The following NKAIN2 variants were observed in gnomAD, a reference collection of about 807,000 sequenced individuals.
The protein encoded by NKAIN2 is sodium/potassium transporting ATPase interacting 2.
Under a neutral mutation model 32.6 loss-of-function variants are expected in NKAIN2, and 14 were observed. The observed-to-expected ratio is 0.43, with a 90% CI of 0.28 to 0.67. The LOEUF (loss-of-function observed/expected upper bound fraction) is 0.67. NKAIN2 is among the 30% of genes least tolerant of loss of function. NKAIN2 has a pLI of 0.17. For missense variants in NKAIN2, 198 were observed against 258.3 expected (o/e 0.77, Z 1.60); for synonymous variants, 80 against 87.2 (o/e 0.92, Z 0.46).
At chr6:123,896,159 G>A (rs940286493) in intron 1 of NKAIN2, among the ~76,000 whole-genome samples, 1 of 152,202 alleles carries the variant, frequency 6.6e-6, no homozygotes, top group African/African-American at 2.4e-5. Flanking sequence ...GAGAAGTAAA[G>A]AGATGAAATG....
chr6:124,147,372 T>A (rs1390246151), intron 1 of NKAIN2, among the ~76,000 whole-genome samples: 1 of 152,056 alleles, frequency 6.6e-6, no homozygotes. Context: ...TTAAGGATCA[T>A]TTCTAGAGAA....
At chr6:124,241,806 AT>A (rs140506419) in intron 1 of NKAIN2, among the ~76,000 whole-genome samples, 2,349 of 152,050 alleles carry the variant, frequency 0.015, 59 homozygotes, top group African/African-American at 0.05. Context: ...TATTTAATAT[AT>A]TTTTTTTAAA....
At chr6:124,543,880 A>T (rs892157912) in intron 3 of NKAIN2, among the ~76,000 whole-genome samples, 3 of 152,172 alleles carry the variant, frequency 2.0e-5, no homozygotes, top group East Asian at 1.9e-4. Context: ...GCCTATAAGT[A>T]TAAAAGGTAG....
chr6:124,265,155 T>TC (rs890536004), intron 1 of NKAIN2, among the ~76,000 whole-genome samples: 25 of 152,280 alleles, frequency 1.6e-4, no homozygotes, highest in African/African-American at 5.5e-4. Flanking sequence ...TTGTTTTTTT[T>TC]CAAGTGACTT....
chr6:124,817,245 T>G (rs1781205597), intron 5 of NKAIN2, among the ~76,000 whole-genome samples: 1 of 144,354 alleles, frequency 6.9e-6, no homozygotes. Context: ...TTTTTGGCAT[T>G]TTTTTTTTTG....
chr6:123,959,018 T>C (rs557096844), intron 1 of NKAIN2, among the ~76,000 whole-genome samples: 21 of 152,278 alleles, frequency 1.4e-4, no homozygotes, highest in African/African-American at 4.6e-4. Context: ...CCTAAGTGGG[T>C]GATTTATTCA....
At chr6:124,184,207 G>T (rs1019289200) in intron 1 of NKAIN2, among the ~76,000 whole-genome samples, 1 of 151,848 alleles carries the variant, frequency 6.6e-6, no homozygotes, top group African/African-American at 2.4e-5. Flanking sequence ...GAAATGTTTG[G>T]TTCTCTTCAT....
intron 3 of NKAIN2, among the ~76,000 whole-genome samples, chr6:124,407,400 G>T (rs1021535287): frequency 7.1e-6 from 1 of 141,670 alleles, no homozygotes; most frequent in Non-Finnish European, 1.5e-5. Flanking sequence ...CTGTGTCCTT[G>T]TGTTCTCATT....
At chr6:124,297,122 C>A (rs892166569) in intron 2 of NKAIN2, among the ~76,000 whole-genome samples, 8 of 152,188 alleles carry the variant, frequency 5.3e-5, no homozygotes, top group Admixed American at 1.3e-4. Context: ...ATTATGAAAA[C>A]TGTTATACAT....
chr6:124,040,548 T>A (rs908453831), intron 1 of NKAIN2, among the ~76,000 whole-genome samples: 1 of 152,048 alleles, frequency 6.6e-6, no homozygotes, highest in Admixed American at 6.6e-5. Context: ...GTTGTTTTTA[T>A]TAGTTCCTGG....
intron 1 of NKAIN2, among the ~76,000 whole-genome samples, chr6:124,200,378 T>A (rs1187978425): frequency 6.6e-6 from 1 of 152,118 alleles, no homozygotes; most frequent in East Asian, 1.9e-4. Context: ...GCGCAGGAAA[T>A]GTACTGCTCT....
At chr6:123,994,249 C>A (rs562407356) in intron 1 of NKAIN2, among the ~76,000 whole-genome samples, 1 of 150,850 alleles carries the variant, frequency 6.6e-6, no homozygotes, top group East Asian at 1.9e-4. Flanking sequence ...CAACCTGCTA[C>A]GCTTACTCTG....
At position 124,357,022 on chromosome 6, in the gene NKAIN2, G is replaced by A. The variant is rs571944898; in HGVS notation, c.273+1675G>A. On this transcript the variant is annotated intron_variant, in intron 3 of 6. Coordinates refer to ENST00000368417, the MANE Select transcript of NKAIN2 (RefSeq NM_001040214.3). ...TCACTGCTCCCCATGATGACTGCAG[G>A]CACAGAATAAAGCTGGTGATTTCAT... Among the ~76,000 whole-genome samples, 89 of 152,168 alleles carry A rather than the reference G, an allele frequency of 5.8e-4. 1 individual carries two copies. The highest frequency in any genetic ancestry group is 5.8e-3 in the Admixed American group (89 of 15,262).
intron 5 of NKAIN2, among the ~76,000 whole-genome samples, chr6:124,795,189 G>T (rs1201970720): frequency 6.6e-6 from 1 of 152,154 alleles, no homozygotes; most frequent in Non-Finnish European, 1.5e-5. Flanking sequence ...GGACAGTTTT[G>T]GCTCTGTAGC....
chr6:124,751,094 T>C (rs1777697931), intron 4 of NKAIN2, among the ~76,000 whole-genome samples: 1 of 152,056 alleles, frequency 6.6e-6, no homozygotes, highest in African/African-American at 2.4e-5. Flanking sequence ...ATTGGCCTTA[T>C]GCAAAGTTAA....
chr6:124,526,875 T>C (rs1779337141), intron 3 of NKAIN2, among the ~76,000 whole-genome samples: 1 of 152,126 alleles, frequency 6.6e-6, no homozygotes, highest in Admixed American at 6.5e-5. Flanking sequence ...TATATAGTAA[T>C]AAACTGCCAA....
At chr6:124,029,029 G>C (rs183908136) in intron 1 of NKAIN2, among the ~76,000 whole-genome samples, 110 of 150,890 alleles carry the variant, frequency 7.3e-4, no homozygotes, top group African/African-American at 2.5e-3. Context: ...TTTTAGAAAT[G>C]ATATATAAGT....
At chr6:124,089,755 T>C (rs1562351736) in intron 1 of NKAIN2, among the ~76,000 whole-genome samples, 1 of 151,956 alleles carries the variant, frequency 6.6e-6, no homozygotes, top group Non-Finnish European at 1.5e-5. Context: ...CAAAACATAT[T>C]ATCTAGTGAC....
At chr6:124,556,644 C>G (rs926694111) in intron 3 of NKAIN2, among the ~76,000 whole-genome samples, 2 of 152,082 alleles carry the variant, frequency 1.3e-5, no homozygotes, top group African/African-American at 2.4e-5. Flanking sequence ...TCATAAATCA[C>G]CCAGTATTTT....
Sources: allele counts gnomAD v4.1 joint callset (sites outside exome capture counted in the v4.1 genomes callset), GRCh38; gene constraint gnomAD v4.1.1; transcripts MANE v1.5; gene names NCBI Gene and HGNC (gene_info 2026-07-23, HGNC 2026-07-21).